The following ANKRD62 variants were observed in gnomAD, a reference collection of about 807,000 sequenced individuals.
The protein encoded by ANKRD62 is ankyrin repeat domain 62.
A neutral mutation model predicts 98.8 loss-of-function variants in ANKRD62; 61 were observed. The observed-to-expected ratio is 0.62, with a 90% CI of 0.50 to 0.76. The LOEUF (loss-of-function observed/expected upper bound fraction) is 0.76, where lower values mean the gene tolerates loss of function less well. Among genes scored for constraint, ANKRD62 ranks in the 30% least tolerant of loss-of-function variants. The pLI is 0.00. For synonymous variants in ANKRD62, 341 were observed against 367.9 expected, an observed-to-expected ratio of 0.93 and a Z score of 0.84; for missense variants, 933 against 1,082.9, an observed-to-expected ratio of 0.86 and a Z score of 1.94.
chr18:12,152,870 G>C, the ANKRD62 span, among the ~76,000 whole-genome samples: 1 of 152,104 alleles, frequency 6.6e-6, no homozygotes, highest in African/African-American at 2.4e-5. Context: ...CTCCAAGCTG[G>C]GTGACAGAGC....
In ANKRD62 at chr18:12,097,679, T is replaced by C; in HGVS notation, c.654T>C (p.Ser218=). Residue 218 remains serine (S), a synonymous_variant, in exon 5 of 14, where the codon AGT becomes AGC. Coordinates refer to ENST00000587848, the MANE Select transcript of ANKRD62 (RefSeq NM_001277333.2). ...LILAARNGST[S]VVYQLLQHNI... The stretch of plus-strand genomic sequence containing the variant: ...TTGCTGCTCGTAATGGATCAACAAG[T>C]GTAGTCTACCAGCTTCTTCAGCACA... 2.6e-6 allele frequency: 4 copies of C among 1,536,096 alleles called. No individual in the cohort carries two copies. The South Asian group carries it at 4.8e-5, about 18-fold the overall frequency.
chr18:12,146,062 C>T, the ANKRD62 span, among the ~76,000 whole-genome samples: 3 of 152,000 alleles, frequency 2.0e-5, no homozygotes, highest in East Asian at 5.8e-4. Flanking sequence ...TTAGCCATTC[C>T]AGCCTTCGGC....
Position 12,094,159 on chromosome 18 carries a change from G to C in ANKRD62, c.142G>C (p.Ala48Pro). The change falls in exon 1 of 14, where the codon GCA (alanine) becomes CCA (proline). Residue 48 changes from alanine (A) to proline (P), a missense_variant. Around this residue, in one of 3 missense-constraint regions of ANKRD62, gnomAD observed 549 missense variants for 587.9 expected, o/e 0.93. Transcript: ENST00000587848. ...DLGMIHKAAI[A>P]GDVNKVMESI... ...GGGCATGATCCACAAAGCTGCCATC[G>C]CAGGTGATGTGAACAAGGTGATGGA... The C allele has an allele frequency of 6.5e-7, 1 of 1,533,096 alleles. No individual in the cohort carries two copies. Among genetic ancestry groups the C allele is most frequent in the Non-Finnish European group, 8.7e-7 (1 of 1,146,458 alleles). 95.0% of individuals were successfully genotyped at this position (1,533,096 alleles called of 1,614,324 possible).
At chr18:12,096,350 A>G (rs1410852092) in intron 4 of ANKRD62, 48 bp downstream of exon 4, 12 of 1,102,916 alleles carry the variant, frequency 1.1e-5, no homozygotes, top group Non-Finnish European at 1.4e-5. Flanking sequence ...GTGGTGTTCT[A>G]GAGTGGTAAC....
rs1298725240 is a variant in ANKRD62, at chr18:12,115,506, C to A, written c.1212C>A (p.Leu404=). Residue 404 remains leucine, a synonymous_variant, in exon 10 of 14, where the codon CTC becomes CTA. Coordinates refer to ENST00000587848, the MANE Select transcript of ANKRD62 (RefSeq NM_001277333.2). ...PYSDDENFML[L]IEQSGMECKD... ...CTGATGATGAGAATTTTATGTTACT[C>A]ATTGAACAAAGTGGAATGGAGTGTA... 3.3e-6 allele frequency: 5 copies of A among 1,537,488 alleles called. No homozygotes were observed. The East Asian group carries it at 9.8e-5, about 30-fold the overall frequency.
At chr18:12,102,272 A>G (rs1909316970) in intron 6 of ANKRD62, 2 of 753,934 alleles carry the variant, frequency 2.7e-6, no homozygotes, top group Admixed American at 1.8e-5. Context: ...CCCTCTCACT[A>G]GTCCAGTGGA....
At chr18:12,135,192 CT>C in the ANKRD62 span, among the ~76,000 whole-genome samples, 1 of 112,468 alleles carries the variant, frequency 8.9e-6, no homozygotes, top group Non-Finnish European at 1.7e-5. Flanking sequence ...TCCCTCCCCC[CT>C]CCCCCCACCC....
chr18:12,160,535 T>C, the ANKRD62 span, among the ~76,000 whole-genome samples: 3 of 152,122 alleles, frequency 2.0e-5, no homozygotes, highest in East Asian at 3.9e-4. Flanking sequence ...GAGAATTTGG[T>C]AAGTTTTTAG....
chr18:12,103,653 A>G (rs1381515347), intron 7 of ANKRD62, among the ~76,000 whole-genome samples: 1 of 152,134 alleles, frequency 6.6e-6, no homozygotes, highest in Non-Finnish European at 1.5e-5. Flanking sequence ...TTAAAAATGT[A>G]TTCTCCATTG....
chr18:12,113,115 G>A (rs762160058), intron 8 of ANKRD62, among the ~76,000 whole-genome samples: 9 of 151,994 alleles, frequency 5.9e-5, no homozygotes, highest in Non-Finnish European at 8.8e-5. Context: ...GGCTGGTCTC[G>A]AACTCCTGAC....
chr18:12,127,340 G>C (rs899194834), intron 13 of ANKRD62, among the ~76,000 whole-genome samples: 3 of 152,200 alleles, frequency 2.0e-5, no homozygotes, highest in African/African-American at 7.2e-5. Flanking sequence ...GTGGAAATCT[G>C]TTGGAAGGAT....
chr18:12,114,626 T>G (rs371280962), intron 8 of ANKRD62, among the ~76,000 whole-genome samples: 4 of 152,306 alleles, frequency 2.6e-5, no homozygotes, highest in East Asian at 3.9e-4. Context: ...GTGTTTAGAA[T>G]AGTGCACAGT....
chr18:12,134,113 C>T (rs557725103), downstream of ANKRD62, among the ~76,000 whole-genome samples: 2 of 152,304 alleles, frequency 1.3e-5, no homozygotes, highest in South Asian at 2.1e-4. Flanking sequence ...TACTTGGAGA[C>T]ATCAGGAGAA....
At position 12,124,698 on chromosome 18, in the gene ANKRD62, T is replaced by C. The variant is rs948522194; in HGVS notation, c.1638+378T>C. 4.0e-5 allele frequency among the ~76,000 whole-genome samples: 3 copies of C among 75,546 alleles called. No homozygotes were observed. The Admixed American group carries it at 4.1e-4, about 10-fold the overall frequency. 49.6% of individuals were successfully genotyped at this position (75,546 alleles called of 152,430 possible). A position where few individuals can be genotyped will look rare whatever the true frequency, so the allele number is the denominator to read the frequency against. Reference sequence around the variant, plus strand: ...ATCTCAGGATTTCCTAAGAAGAGCTTTATAAATTTTATCTTCTTTGAGTTT... The same window carrying C: ...ATCTCAGGATTTCCTAAGAAGAGCTCTATAAATTTTATCTTCTTTGAGTTT... On this transcript the variant is annotated intron_variant, in intron 12 of 13. Transcript: ENST00000587848.
Position 12,129,462 on chromosome 18 carries a change from TA to T in ANKRD62, c.*1524del, listed in dbSNP as rs906312045. On this transcript the variant is annotated 3_prime_UTR_variant, in exon 14 of 14. Coordinates refer to ENST00000587848, the MANE Select transcript of ANKRD62 (RefSeq NM_001277333.2). ...TAAAATTTAGTTAAAAAACAGGTAA[TA>T]GGGGCCAGGCACGGTGGCTCACGCC... The T allele has an allele frequency of 3.3e-5, 5 of 152,028 alleles. No individual in the cohort carries two copies. The highest frequency in any genetic ancestry group is 5.9e-5 in the Non-Finnish European group (4 of 68,080). 9.4% of individuals were successfully genotyped at this position (152,028 alleles called of 1,614,324 possible).
At chr18:12,136,858 T>C in the ANKRD62 span, among the ~76,000 whole-genome samples, 1 of 152,196 alleles carries the variant, frequency 6.6e-6, no homozygotes, top group East Asian at 1.9e-4. Flanking sequence ...TTGTCTGTTG[T>C]TGGTGTATAA....
chr18:12,111,743 C>T (rs1909543630), intron 8 of ANKRD62, among the ~76,000 whole-genome samples: 1 of 152,104 alleles, frequency 6.6e-6, no homozygotes, highest in Admixed American at 6.6e-5. Flanking sequence ...AAAATTAGTA[C>T]CATTCCCATA....
chr18:12,141,179 T>C, the ANKRD62 span, among the ~76,000 whole-genome samples: 2 of 152,248 alleles, frequency 1.3e-5, no homozygotes, highest in African/African-American at 4.8e-5. Flanking sequence ...TCTCCTGGTG[T>C]GCCGTTTGTT....
chr18:12,102,171 A>T, intron 6 of ANKRD62: 1 of 978,028 alleles, frequency 1.0e-6, no homozygotes. Context: ...AACTATGAAG[A>T]GTGAGGGTTG....
Sources: gnomAD v4.1 joint callset for allele counts (sites outside exome capture counted in the v4.1 genomes callset) on GRCh38, gnomAD v4.1.1 for gene constraint, gnomAD v4.1.1 regional missense constraint, MANE v1.5 for transcripts, NCBI Gene and HGNC (gene_info 2026-07-23, HGNC 2026-07-21) for gene names.